The following SGCD variants were observed in gnomAD, a reference collection of about 807,000 sequenced individuals.
The protein encoded by SGCD is sarcoglycan delta.
Under a neutral mutation model 36.6 loss-of-function variants are expected in SGCD, and 18 were observed. That is an observed-to-expected ratio of 0.49 (90% CI 0.34 to 0.73). The LOEUF (loss-of-function observed/expected upper bound fraction) is 0.73, where lower values mean the gene tolerates loss of function less well. SGCD is among the 30% of genes least tolerant of loss of function. The pLI is 0.01. For missense variants in SGCD, 387 were observed against 346.7 expected, an observed-to-expected ratio of 1.12 and a Z score of -0.92; for synonymous variants, 133 against 130.6, an observed-to-expected ratio of 1.02 and a Z score of -0.12.
intron 7 of SGCD, among the ~76,000 whole-genome samples, chr5:156,653,236 G>T (rs1232795776): frequency 1.3e-5 from 2 of 151,792 alleles, no homozygotes; most frequent in African/African-American, 4.8e-5. Context: ...GGCTTTTTTT[G>T]TTAATAGGTT....
chr5:155,914,289 C>A (rs192691641), intron 1 of SGCD, among the ~76,000 whole-genome samples: 1 of 152,208 alleles, frequency 6.6e-6, no homozygotes, highest in Admixed American at 6.5e-5. Flanking sequence ...CAACAGATGC[C>A]GGATTGCCTC....
chr5:156,077,395 G>A (rs11953463), intron 1 of SGCD, among the ~76,000 whole-genome samples: 14,963 of 152,030 alleles, frequency 0.098, 1,580 homozygotes, highest in East Asian at 0.46. Context: ...AAGGACGATT[G>A]AGCAACAAAA....
intron 3 of SGCD, among the ~76,000 whole-genome samples, chr5:156,386,955 C>A (rs201933087): frequency 6.6e-6 from 1 of 152,080 alleles, no homozygotes; most frequent in East Asian, 1.9e-4. Flanking sequence ...GAGTACACAC[C>A]AGTTAAAAGT....
intron 1 of SGCD, among the ~76,000 whole-genome samples, chr5:155,942,334 G>GTATGTATGTATCTATCTATCTATC (rs779514666): frequency 1.4e-5 from 2 of 138,502 alleles, no homozygotes; most frequent in East Asian, 2.2e-4. Context: ...ATGTATGTAT[G>GTATGTATGTATCTATCTATCTATC]TATCTATCTA....
intron 3 of SGCD, among the ~76,000 whole-genome samples, chr5:156,350,691 T>A (rs1014346935): frequency 6.6e-6 from 1 of 152,014 alleles, no homozygotes; most frequent in Non-Finnish European, 1.5e-5. Flanking sequence ...CATTGGAGAG[T>A]GTGTGTTTTA....
intron 4 of SGCD, among the ~76,000 whole-genome samples, chr5:156,574,732 C>T (rs1165383310): frequency 1.3e-5 from 2 of 152,136 alleles, no homozygotes; most frequent in Non-Finnish European, 2.9e-5. Context: ...TTGTATCTCT[C>T]CCATGACATA....
intron 4 of SGCD, among the ~76,000 whole-genome samples, chr5:156,509,244 G>C (rs1487627399): frequency 6.6e-6 from 1 of 152,116 alleles, no homozygotes; most frequent in African/African-American, 2.4e-5. Flanking sequence ...GGACAACATA[G>C]TGAAACCCTG....
chr5:156,395,161 A>G (rs1389918598), intron 3 of SGCD, among the ~76,000 whole-genome samples: 1 of 152,224 alleles, frequency 6.6e-6, no homozygotes, highest in African/African-American at 2.4e-5. Context: ...TCAAGCCATC[A>G]CTTTCATTTT....
chr5:156,243,350 G>A (rs1765352812), intron 3 of SGCD, among the ~76,000 whole-genome samples: 1 of 152,210 alleles, frequency 6.6e-6, no homozygotes. Context: ...TGCCTGGGGA[G>A]AGGGTTATGA....
At chr5:156,479,196 G>A (rs989440805) in intron 3 of SGCD, among the ~76,000 whole-genome samples, 5 of 151,642 alleles carry the variant, frequency 3.3e-5, no homozygotes, top group African/African-American at 7.3e-5. Context: ...AGGTTCAAGC[G>A]ATTCTCCTGC....
At chr5:156,548,784 G>A (rs1454176932) in intron 4 of SGCD, among the ~76,000 whole-genome samples, 1 of 152,168 alleles carries the variant, frequency 6.6e-6, no homozygotes, top group African/African-American at 2.4e-5. Context: ...TTGCCTTTGA[G>A]CTGGGAGGAA....
At chr5:156,114,272 T>A (rs181833156) in intron 1 of SGCD, among the ~76,000 whole-genome samples, 2 of 152,218 alleles carry the variant, frequency 1.3e-5, no homozygotes, top group Non-Finnish European at 1.5e-5. Context: ...ATATGCAAGC[T>A]TTCTGAAGTT....
At chr5:156,132,959 G>A (rs1762363865) in intron 3 of SGCD, among the ~76,000 whole-genome samples, 1 of 152,170 alleles carries the variant, frequency 6.6e-6, no homozygotes, top group African/African-American at 2.4e-5. Context: ...AATTTTGAAC[G>A]TCACTTTCTA....
At chr5:156,108,830 C>T (rs1761713227) in intron 1 of SGCD, among the ~76,000 whole-genome samples, 1 of 151,966 alleles carries the variant, frequency 6.6e-6, no homozygotes, top group Non-Finnish European at 1.5e-5. Context: ...ATGCAGTGGG[C>T]TAAGAAATTA....
intron 3 of SGCD, among the ~76,000 whole-genome samples, chr5:156,295,875 A>T (rs77097009): frequency 6.6e-6 from 1 of 152,204 alleles, no homozygotes; most frequent in Non-Finnish European, 1.5e-5. Context: ...CAACCAGTAG[A>T]AGCAACTCAA....
the SGCD span, among the ~76,000 whole-genome samples, chr5:155,809,140 G>A: frequency 6.6e-6 from 1 of 152,178 alleles, no homozygotes; most frequent in Non-Finnish European, 1.5e-5. Flanking sequence ...GTTCCTGAAA[G>A]CCAGGATTAC....
intron 6 of SGCD, among the ~76,000 whole-genome samples, chr5:156,627,958 G>C (rs1177844159): frequency 6.6e-6 from 1 of 152,104 alleles, no homozygotes; most frequent in Non-Finnish European, 1.5e-5. Context: ...ACCTGAGACT[G>C]GGTAATTTAT....
At chr5:156,212,594 G>GA (rs1764473511) in intron 3 of SGCD, among the ~76,000 whole-genome samples, 1 of 151,960 alleles carries the variant, frequency 6.6e-6, no homozygotes, top group African/African-American at 2.4e-5. Flanking sequence ...ACATCATTCA[G>GA]AAAAAAGTCA....
intron 6 of SGCD, among the ~76,000 whole-genome samples, chr5:156,610,916 C>T (rs1312583890): frequency 6.6e-6 from 1 of 152,196 alleles, no homozygotes; most frequent in African/African-American, 2.4e-5. Flanking sequence ...GTGAGAGTGA[C>T]CTGATTTTCC....
Sources: gnomAD v4.1 joint callset for allele counts (sites outside exome capture counted in the v4.1 genomes callset) on GRCh38, gnomAD v4.1.1 for gene constraint, MANE v1.5 for transcripts, NCBI Gene and HGNC (gene_info 2026-07-23, HGNC 2026-07-21) for gene names.